Variants in BNC2 observed in about 807,000 individuals in gnomAD.
BNC2 encodes zinc finger protein basonuclin-2.
Under a neutral mutation model 76.3 loss-of-function variants are expected in BNC2, and 20 were observed. The observed-to-expected ratio is 0.26, with a 90% CI of 0.18 to 0.38. BNC2 has a LOEUF of 0.38. Among genes scored for constraint, BNC2 ranks in the 10% least tolerant of loss-of-function variants. The pLI is 1.00. For synonymous variants in BNC2, 582 were observed against 514.8 expected, an observed-to-expected ratio of 1.13 and a Z score of -1.77; for missense variants, 1,382 against 1,399.8, an observed-to-expected ratio of 0.99 and a Z score of 0.20.
Position 16,416,116 on chromosome 9 carries a change from C to T in BNC2, c.*2873G>A, listed in dbSNP as rs922997867. 1 of 152,208 alleles carries T rather than the reference C, an allele frequency of 6.6e-6. No individual in the cohort carries two copies. Among genetic ancestry groups the T allele is most frequent in the African/African-American group, 2.4e-5 (1 of 41,456 alleles). 9.4% of individuals were successfully genotyped at this position (152,208 alleles called of 1,614,324 possible). On this transcript the variant is annotated 3_prime_UTR_variant, in exon 7 of 7. Coordinates refer to ENST00000380672, the MANE Select transcript of BNC2 (RefSeq NM_017637.6). ...TGACTGCCGACAGCTATGTAATTCA[C>T]TCACGAGGGCTATCTGACCTTTTAT...
intron 3 of BNC2, among the ~76,000 whole-genome samples, chr9:16,693,551 T>C (rs1488692048): frequency 1.3e-5 from 2 of 152,114 alleles, no homozygotes; most frequent in African/African-American, 4.8e-5. Context: ...CTGATGAGCA[T>C]TAAAGTTTGA....
At chr9:16,626,436 C>T (rs1820994527) in intron 3 of BNC2, 1 of 152,120 alleles carries the variant, frequency 6.6e-6, no homozygotes, top group African/African-American at 2.4e-5. Flanking sequence ...ATGGTGCCCA[C>T]CCAGTGCAGG....
chr9:16,620,954 TTCCACTTCTCTCCTCTA>T (rs1195967430), intron 3 of BNC2, among the ~76,000 whole-genome samples: 4 of 152,140 alleles, frequency 2.6e-5, no homozygotes, highest in Non-Finnish European at 5.9e-5. Flanking sequence ...AACCTCGACT[TTCCACTTCTCTCCTCTA>T]TCCACAATGT....
chr9:16,487,252 G>C (rs1822184853), intron 5 of BNC2, among the ~76,000 whole-genome samples: 1 of 152,134 alleles, frequency 6.6e-6, no homozygotes, highest in Admixed American at 6.5e-5. Context: ...ACAGCAGTAA[G>C]TCTGTCGGCT....
At chr9:16,861,822 T>C (rs1004204430) in intron 1 of BNC2, among the ~76,000 whole-genome samples, 1 of 152,122 alleles carries the variant, frequency 6.6e-6, no homozygotes, top group East Asian at 1.9e-4. Context: ...ACAACGTCTC[T>C]ACTAAAAATA....
At chr9:16,458,230 T>C (rs1821497896) in intron 5 of BNC2, among the ~76,000 whole-genome samples, 1 of 152,220 alleles carries the variant, frequency 6.6e-6, no homozygotes, top group Non-Finnish European at 1.5e-5. Context: ...GCTAGCTTCA[T>C]TTCCTTTAGA....
At chr9:16,556,538 G>A (rs1818837654) in intron 4 of BNC2, among the ~76,000 whole-genome samples, 1 of 151,860 alleles carries the variant, frequency 6.6e-6, no homozygotes, top group African/African-American at 2.4e-5. Context: ...GGGAGGCTGA[G>A]GCGGGTGGAT....
At chr9:16,525,357 T>C (rs998547696) in intron 5 of BNC2, among the ~76,000 whole-genome samples, 3 of 152,030 alleles carry the variant, frequency 2.0e-5, no homozygotes, top group South Asian at 4.1e-4. Flanking sequence ...ACAATACAGA[T>C]ATACTATGGG....
At chr9:16,731,158 T>C (rs928515667) in intron 2 of BNC2, among the ~76,000 whole-genome samples, 8 of 152,236 alleles carry the variant, frequency 5.3e-5, no homozygotes, top group Non-Finnish European at 1.2e-4. Context: ...TCTGAGTTTT[T>C]TTCACTGGCT....
intron 6 of BNC2, chr9:16,431,304 T>A: frequency 4.0e-6 from 1 of 249,102 alleles, no homozygotes; most frequent in East Asian, 1.0e-4. Flanking sequence ...AACTTATAAA[T>A]AGGCTTCCCT....
intron 3 of BNC2, among the ~76,000 whole-genome samples, chr9:16,634,987 A>G (rs1412079216): frequency 6.6e-6 from 1 of 152,180 alleles, no homozygotes; most frequent in Admixed American, 6.5e-5. Flanking sequence ...GACAGAATCT[A>G]TTAGTAATGT....
intron 5 of BNC2, among the ~76,000 whole-genome samples, chr9:16,541,621 T>A (rs532180510): frequency 4.1e-4 from 62 of 152,340 alleles, no homozygotes; most frequent in African/African-American, 1.4e-3. Context: ...TGTTGTTAAT[T>A]CAAAATTTCT....
chr9:16,720,943 C>G (rs896090624), intron 3 of BNC2, among the ~76,000 whole-genome samples: 1 of 152,192 alleles, frequency 6.6e-6, no homozygotes, highest in African/African-American at 2.4e-5. Flanking sequence ...AATTTTTCAC[C>G]TGAGGGTTTG....
intron 1 of BNC2, among the ~76,000 whole-genome samples, chr9:16,749,624 T>A (rs1488380522): frequency 6.6e-6 from 1 of 151,550 alleles, no homozygotes; most frequent in Admixed American, 6.6e-5. Flanking sequence ...TGCTTGAGCC[T>A]GGAAGGCTGA....
chr9:16,542,773 G>T (rs992658368), intron 5 of BNC2, among the ~76,000 whole-genome samples: 1 of 152,146 alleles, frequency 6.6e-6, no homozygotes, highest in Non-Finnish European at 1.5e-5. Context: ...GTATCATGAA[G>T]AAATCAAATA....
rs116749239 is a variant in BNC2, at chr9:16,621,078, C to T, written c.331-37993G>A. Among the ~76,000 whole-genome samples the T allele has an allele frequency of 3.6e-3, 542 of 152,270 alleles. 4 individuals are homozygous for T. The highest frequency in any genetic ancestry group is 0.013 in the African/African-American group (525 of 41,564). ...AGCCTGGTGACAGCAATGTCCAGGC[C>T]GTAAGTAATGTTCAAAGGATTCAAC... On this transcript the variant is annotated intron_variant, in intron 3 of 6. Coordinates refer to ENST00000380672, the MANE Select transcript of BNC2 (RefSeq NM_017637.6).
chr9:16,540,153 G>A (rs956900185), intron 5 of BNC2, among the ~76,000 whole-genome samples: 2 of 144,632 alleles, frequency 1.4e-5, no homozygotes, highest in South Asian at 2.1e-4. Context: ...ACTATTTAAC[G>A]TGATTTTTTT....
chr9:16,510,067 G>A (rs1271965657), intron 5 of BNC2, among the ~76,000 whole-genome samples: 1 of 152,138 alleles, frequency 6.6e-6, no homozygotes, highest in East Asian at 1.9e-4. Flanking sequence ...AACCGTTCAG[G>A]AACAATTCAT....
rs1382554552 is a variant in BNC2 at position 16,418,235 on chromosome 9, A to G, written c.*754T>C. On this transcript the variant is annotated 3_prime_UTR_variant, in exon 7 of 7. Coordinates refer to ENST00000380672, the MANE Select transcript of BNC2 (RefSeq NM_017637.6). ...AAAAATCAGATCTGTGCTGTAAAGCATGCCAGCACCTCTTTAGCACTATAT... is the reference window on the plus strand; with the variant it reads ...AAAAATCAGATCTGTGCTGTAAAGCGTGCCAGCACCTCTTTAGCACTATAT... 1 of 152,676 alleles carries G rather than the reference A, an allele frequency of 6.5e-6. No homozygotes were observed. Among genetic ancestry groups the G allele is most frequent in the African/African-American group, 2.4e-5 (1 of 41,468 alleles). The allele number at this position is 152,676 out of a possible 1,614,324, so 9.5% of individuals were successfully genotyped here. A position where few individuals can be genotyped will look rare whatever the true frequency, so the allele number is the denominator to read the frequency against.
Sources: gnomAD v4.1 joint callset for allele counts (sites outside exome capture counted in the v4.1 genomes callset) on GRCh38, gnomAD v4.1.1 for gene constraint, MANE v1.5 for transcripts, NCBI Gene and HGNC (gene_info 2026-07-23, HGNC 2026-07-21) for gene names.